Variants in GMNC observed in about 807,000 individuals in gnomAD.
The protein encoded by GMNC is geminin coiled-coil domain containing, also known as geminin coiled-coil domain-containing protein 1.
In GMNC, 16 loss-of-function variants were observed where a neutral mutation model predicts 33.6. That is an observed-to-expected ratio of 0.48 (90% CI 0.32 to 0.72). The LOEUF (loss-of-function observed/expected upper bound fraction) is 0.72, where lower values mean the gene tolerates loss of function less well. Among genes scored for constraint, GMNC ranks in the 30% least tolerant of loss-of-function variants. The probability of loss-of-function intolerance (pLI) is 0.03; values close to 1 mark genes in which losing one functional copy is unlikely to be tolerated. For synonymous variants in GMNC, 156 were observed against 147.3 expected (o/e 1.06, Z -0.43); for missense variants, 393 against 388.9 (o/e 1.01, Z -0.09).
At position 190,861,455 on chromosome 3, in the gene GMNC, CATCTATCT is replaced by C. The variant is rs11378580; in HGVS notation, c.4-605_4-598del. On this transcript the variant is annotated intron_variant, in intron 1 of 4. Coordinates refer to ENST00000442080, the MANE Select transcript of GMNC (RefSeq NM_001146686.3). The surrounding 1 kb of genome is among the most constrained non-coding windows in gnomAD (Gnocchi z 5.1). ...TCTGTCTGTCTGTCTGTCTGCCTATCATCTATCTATCTATCTATCTATCTATCTATCTA... is the reference window on the plus strand; with the variant it reads ...TCTGTCTGTCTGTCTGTCTGCCTATCATCTATCTATCTATCTATCTATCTA... 0.08 allele frequency among the ~76,000 whole-genome samples: 11,637 copies of C among 145,890 alleles called. 461 individuals carry two copies. Among genetic ancestry groups the C allele is most frequent in the Middle Eastern group, 0.14 (42 of 294 alleles).
At chr3:190,844,864 A>G in the GMNC span, among the ~76,000 whole-genome samples, 3 of 152,290 alleles carry the variant, frequency 2.0e-5, no homozygotes, top group South Asian at 6.2e-4. Context: ...TTGGAGGAAT[A>G]CAGAAGAAAA....
In GMNC at chr3:190,855,898, A is replaced by C; in HGVS notation, c.402T>G (p.Asp134Glu). Residue 134 changes from aspartate to glutamate, a missense_variant, in exon 5 of 5, where the codon GAT becomes GAG. Physicochemically the swap from Asp to Glu is conservative, Grantham distance 45. Coordinates refer to ENST00000442080, the MANE Select transcript of GMNC (RefSeq NM_001146686.3). Reference protein sequence around the residue: ...EEKAKKLLSSDEFSKAYGKFR... With the variant: ...EEKAKKLLSSEEFSKAYGKFR... ...ATTTTCCATATGCTTTGGAGAACTC[A>C]TCAGATGAGAGCAATTTCTAGGGAA... 1 of 1,547,136 alleles carries C rather than the reference A, an allele frequency of 6.5e-7. No individual in the cohort carries two copies. The highest frequency in any genetic ancestry group is 8.7e-7 in the Non-Finnish European group (1 of 1,144,352).
In GMNC at chr3:190,855,923, A is replaced by C. The variant is rs1481217698; in HGVS notation, c.385-8T>G. 2 of 1,515,688 alleles carry C rather than the reference A, an allele frequency of 1.3e-6. No homozygotes were observed. The highest frequency in any genetic ancestry group is 1.8e-4 in the Middle Eastern group (1 of 5,676). 93.9% of individuals were successfully genotyped at this position (1,515,688 alleles called of 1,614,324 possible). On this transcript the variant is annotated splice_polypyrimidine_tract_variant and splice_region_variant and intron_variant, in intron 4 of 4. Transcript: ENST00000442080. ...ATCAGATGAGAGCAATTTCTAGGGA[A>C]GTGATATTTGAAAGTTATACTTTTT...
At chr3:190,848,602 T>C (rs573539296), downstream of GMNC, among the ~76,000 whole-genome samples, 1 of 152,356 alleles carries the variant, frequency 6.6e-6, no homozygotes, top group African/African-American at 2.4e-5. Flanking sequence ...TTAATAGTGT[T>C]GCATTCTATC....
intron 2 of GMNC, chr3:190,859,847 G>T (rs1394797508): frequency 2.2e-6 from 1 of 453,182 alleles, no homozygotes; most frequent in East Asian, 7.0e-5. Context: ...AAAGTGAAAT[G>T]ATGAGTAAGG....
At chr3:190,856,245 TTATTTATAAA>T (rs1737733977) in intron 4 of GMNC, among the ~76,000 whole-genome samples, 1 of 142,706 alleles carries the variant, frequency 7.0e-6, no homozygotes, top group South Asian at 2.1e-4. Context: ...ATACTTATAT[TTATTTATAAA>T]TATTTATAAA....
Position 190,859,003 on chromosome 3 carries a change from G to A in GMNC, c.192C>T (p.Asp64=). Residue 64 remains aspartate, a synonymous_variant, in exon 3 of 5, where the codon GAC becomes GAT. Coordinates refer to ENST00000442080, the MANE Select transcript of GMNC (RefSeq NM_001146686.3). ...ACAAGTCCGGAAGAGGAAAATTTGA[G>A]TCACTGAATGATTCTGTGAAAATAC... The part of the protein sequence containing the change: ...QAPQAQESFS[D]SNFPLPDLCS... 1 of 1,543,848 alleles carries A rather than the reference G, an allele frequency of 6.5e-7. No individual in the cohort carries two copies. The highest frequency in any genetic ancestry group is 1.7e-4 in the Middle Eastern group (1 of 5,978).
At chr3:190,857,755 A>T in intron 4 of GMNC, 28 bp downstream of exon 4, 1 of 1,099,894 alleles carries the variant, frequency 9.1e-7, no homozygotes, top group African/African-American at 1.6e-5. Context: ...CTTTGTTCTT[A>T]TAAAGTAGAT....
the GMNC span, among the ~76,000 whole-genome samples, chr3:190,844,062 A>G: frequency 2.0e-4 from 30 of 152,284 alleles, no homozygotes; most frequent in Non-Finnish European, 2.6e-4. Flanking sequence ...TAGAAATAAA[A>G]CGTCTTGAGT....
chr3:190,844,474 G>A, the GMNC span, among the ~76,000 whole-genome samples: 1 of 150,694 alleles, frequency 6.6e-6, no homozygotes, highest in Non-Finnish European at 1.5e-5. Flanking sequence ...TTATATATAA[G>A]AATATATAAA....
chr3:190,848,812 GTTAAA>G (rs1737589774), downstream of GMNC, among the ~76,000 whole-genome samples: 1 of 152,150 alleles, frequency 6.6e-6, no homozygotes, highest in African/African-American at 2.4e-5. Flanking sequence ...ACTGAGAAAA[GTTAAA>G]TTAATTTCCA....
chr3:190,858,540 A>T (rs913765922), intron 3 of GMNC, among the ~76,000 whole-genome samples: 1 of 152,204 alleles, frequency 6.6e-6, no homozygotes, highest in Admixed American at 6.5e-5. Flanking sequence ...ATATTTTATA[A>T]TCATTATGTC....
chr3:190,854,259 G>C lies in GMNC; in HGVS notation c.*1036C>G, dbSNP rs113502520. On this transcript the variant is annotated 3_prime_UTR_variant, in exon 5 of 5. Transcript: ENST00000442080. ...CCTTCACAAAAGGGAAGTCGTTTTC[G>C]CAAAGTCATAGCAGATGAGTAGGTC... 6.6e-6 allele frequency: 1 copy of C among 152,066 alleles called. No homozygotes were observed. Among genetic ancestry groups the C allele is most frequent in the South Asian group, 2.1e-4 (1 of 4,822 alleles). The allele number at this position is 152,066 out of a possible 1,614,324, so 9.4% of individuals were successfully genotyped here. A position where few individuals can be genotyped will look rare whatever the true frequency, so the allele number is the denominator to read the frequency against.
chr3:190,856,304 C>T (rs1049194928), intron 4 of GMNC, among the ~76,000 whole-genome samples: 1 of 127,770 alleles, frequency 7.8e-6, no homozygotes, highest in African/African-American at 3.2e-5. Context: ...ATAAATAATA[C>T]TTATATTTAT....
the GMNC span, among the ~76,000 whole-genome samples, chr3:190,844,932 T>C: frequency 2.0e-5 from 3 of 152,214 alleles, no homozygotes; most frequent in East Asian, 5.8e-4. Flanking sequence ...GATTCTCTTT[T>C]CCTTTGATAA....
At chr3:190,844,383 A>G in the GMNC span, among the ~76,000 whole-genome samples, 1 of 151,816 alleles carries the variant, frequency 6.6e-6, no homozygotes, top group Non-Finnish European at 1.5e-5. Flanking sequence ...ATATATACAC[A>G]TTTTAAAATT....
chr3:190,850,815 C>T (rs1385801184), downstream of GMNC, among the ~76,000 whole-genome samples: 2 of 152,078 alleles, frequency 1.3e-5, no homozygotes, highest in Admixed American at 6.5e-5. Context: ...TGTAATGTGG[C>T]CCATATAACA....
At chr3:190,860,535 C>G in intron 2 of GMNC, 149 bp downstream of exon 2, 1 of 636,368 alleles carries the variant, frequency 1.6e-6, no homozygotes, top group Non-Finnish European at 2.7e-6. Flanking sequence ...AAGCAGCAGG[C>G]TTTATGACTG....
chr3:190,858,698 C>G (rs766637396), intron 3 of GMNC, among the ~76,000 whole-genome samples: 6 of 152,174 alleles, frequency 3.9e-5, no homozygotes, highest in Non-Finnish European at 8.8e-5. Flanking sequence ...GGTCATACGG[C>G]TAAAATGTGT....
Sources: gnomAD v4.1 joint callset for allele counts (sites outside exome capture counted in the v4.1 genomes callset) on GRCh38, gnomAD v4.1.1 for gene constraint, Gnocchi (gnomAD v3.1) non-coding constraint, MANE v1.5 for transcripts, NCBI Gene and HGNC (gene_info 2026-07-23, HGNC 2026-07-21) for gene names.